Variants in GAS7 observed in about 807,000 individuals in gnomAD.
GAS7 encodes growth arrest-specific protein 7.
In GAS7, 28 loss-of-function variants were observed where a neutral mutation model predicts 71.1. That is an observed-to-expected ratio of 0.39 (90% CI 0.29 to 0.54). The LOEUF (loss-of-function observed/expected upper bound fraction) is 0.54, where lower values mean the gene tolerates loss of function less well. Among genes scored for constraint, GAS7 ranks in the 20% least tolerant of loss-of-function variants. The probability of loss-of-function intolerance (pLI) is 0.62; values close to 1 mark genes in which losing one functional copy is unlikely to be tolerated. For synonymous variants in GAS7, 258 were observed against 245.8 expected (o/e 1.05, Z -0.46); for missense variants, 436 against 627.8 (o/e 0.69, Z 3.27).
chr17:9,954,749 C>G (rs2069160425), intron 5 of GAS7, among the ~76,000 whole-genome samples: 1 of 152,124 alleles, frequency 6.6e-6, no homozygotes, highest in Non-Finnish European at 1.5e-5. Flanking sequence ...ATGCACGGGA[C>G]AGCTCCCCAC....
intron 1 of GAS7, among the ~76,000 whole-genome samples, chr17:10,097,718 C>T (rs957870195): frequency 9.2e-5 from 14 of 152,114 alleles, no homozygotes; most frequent in Admixed American, 3.9e-4. Flanking sequence ...AACCTCTGCC[C>T]TCGCTCTGGG....
intron 3 of GAS7, among the ~76,000 whole-genome samples, chr17:9,979,949 A>T (rs749189279): frequency 2.0e-5 from 3 of 151,892 alleles, no homozygotes; most frequent in Admixed American, 1.3e-4. Flanking sequence ...CTACAGTACG[A>T]ACGGGCCCAT....
chr17:9,973,466 C>T (rs1265069286), intron 3 of GAS7, among the ~76,000 whole-genome samples: 2 of 152,080 alleles, frequency 1.3e-5, no homozygotes, highest in Non-Finnish European at 2.9e-5. Flanking sequence ...GTTGACCAGG[C>T]TGGTCTCAAA....
At chr17:10,136,795 C>A (rs1433673711) in intron 1 of GAS7, among the ~76,000 whole-genome samples, 1 of 152,158 alleles carries the variant, frequency 6.6e-6, no homozygotes, top group Non-Finnish European at 1.5e-5. Flanking sequence ...ACACAAATTC[C>A]TCCATTATCT....
At chr17:10,080,222 T>C (rs1015371082) in intron 1 of GAS7, among the ~76,000 whole-genome samples, 11 of 152,160 alleles carry the variant, frequency 7.2e-5, no homozygotes, top group African/African-American at 2.4e-4. Flanking sequence ...CTAATTATAA[T>C]GTATTAGCAT....
chr17:10,169,243 G>A (rs2074317431), intron 1 of GAS7, among the ~76,000 whole-genome samples: 1 of 151,942 alleles, frequency 6.6e-6, no homozygotes, highest in African/African-American at 2.4e-5. Flanking sequence ...TCCAGCCTGG[G>A]CAACAAGAGC....
intron 1 of GAS7, among the ~76,000 whole-genome samples, chr17:10,123,319 A>G (rs144607615): frequency 1.3e-5 from 2 of 152,352 alleles, no homozygotes; most frequent in East Asian, 3.9e-4. Flanking sequence ...ACCTGGGAAT[A>G]TGCAGCTCCA....
intron 1 of GAS7, among the ~76,000 whole-genome samples, chr17:10,051,098 G>A (rs953056298): frequency 5.3e-5 from 8 of 152,152 alleles, no homozygotes; most frequent in African/African-American, 1.7e-4. Context: ...CCCTGGCCAA[G>A]GCACTTCACC....
rs957989999 is a variant in GAS7, at chr17:9,981,182, C to T, written c.385+622G>A. Among the ~76,000 whole-genome samples, 2 of 151,278 alleles carry T rather than the reference C, an allele frequency of 1.3e-5. No individual in the cohort carries two copies. The highest frequency in any genetic ancestry group is 1.5e-5 in the Non-Finnish European group (1 of 67,736). ...TGGTGCGCACCTGCAATCGCAGCTA[C>T]TCGGGAGGCTGGGGAACAAGAATCC... On this transcript the variant is annotated intron_variant, in intron 3 of 13. Coordinates refer to ENST00000432992, the MANE Select transcript of GAS7 (RefSeq NM_201433.2). This position sits in a 1 kb window ranked among gnomAD's most constrained non-coding sequence, Gnocchi z 4.4.
chr17:9,984,494 G>A (rs2070559421), intron 2 of GAS7, among the ~76,000 whole-genome samples: 1 of 152,180 alleles, frequency 6.6e-6, no homozygotes, highest in South Asian at 2.1e-4. Context: ...GGTCTTTTAT[G>A]AGGAGTGACA....
chr17:9,961,057 G>A (rs780450219), intron 4 of GAS7, among the ~76,000 whole-genome samples: 7 of 152,070 alleles, frequency 4.6e-5, no homozygotes, highest in Non-Finnish European at 7.4e-5. Flanking sequence ...GGTCCCAGGT[G>A]GTGCCAGCAC....
At chr17:10,074,973 T>C (rs2073375818) in intron 1 of GAS7, among the ~76,000 whole-genome samples, 1 of 150,592 alleles carries the variant, frequency 6.6e-6, no homozygotes, top group Non-Finnish European at 1.5e-5. Flanking sequence ...AATAGGATAA[T>C]CTGGATGCAG....
At chr17:10,037,654 G>A (rs979513756) in intron 1 of GAS7, among the ~76,000 whole-genome samples, 3 of 150,920 alleles carry the variant, frequency 2.0e-5, no homozygotes, top group Non-Finnish European at 4.4e-5. Flanking sequence ...CCTGGGCAAC[G>A]GCTCCAGCTT....
At chr17:10,062,868 C>G (rs897134425) in intron 1 of GAS7, among the ~76,000 whole-genome samples, 2 of 152,220 alleles carry the variant, frequency 1.3e-5, no homozygotes, top group African/African-American at 4.8e-5. Context: ...CCGCAAATGC[C>G]CTCTCACCCC....
At chr17:10,064,117 C>T (rs969509960) in intron 1 of GAS7, among the ~76,000 whole-genome samples, 20 of 152,216 alleles carry the variant, frequency 1.3e-4, no homozygotes, top group African/African-American at 1.9e-4. Context: ...CCAGCAGCGG[C>T]GGCTGCTGCA....
chr17:9,937,386 G>A (rs1273395849), intron 8 of GAS7, among the ~76,000 whole-genome samples: 3 of 152,240 alleles, frequency 2.0e-5, no homozygotes, highest in Non-Finnish European at 4.4e-5. Flanking sequence ...GGAAGACTCC[G>A]GAGTGGCACA....
intron 1 of GAS7, among the ~76,000 whole-genome samples, chr17:10,037,056 G>A (rs75465311): frequency 0.031 from 4,696 of 152,308 alleles, 239 homozygotes; most frequent in African/African-American, 0.11. Context: ...TAAAAAGAAC[G>A]GAGAATGTTC....
At chr17:10,194,578 G>T (rs189835218) in intron 1 of GAS7, among the ~76,000 whole-genome samples, 1 of 152,206 alleles carries the variant, frequency 6.6e-6, no homozygotes, top group African/African-American at 2.4e-5. Flanking sequence ...CAGGTCTATG[G>T]AGGCAATCTC....
chr17:10,047,479 G>T (rs904758725), intron 1 of GAS7, among the ~76,000 whole-genome samples: 2 of 152,206 alleles, frequency 1.3e-5, no homozygotes, highest in Non-Finnish European at 2.9e-5. Flanking sequence ...GTTGGTACAT[G>T]CCACGTTTAC....
Sources: gnomAD v4.1 joint callset for allele counts (sites outside exome capture counted in the v4.1 genomes callset) on GRCh38, gnomAD v4.1.1 for gene constraint, Gnocchi (gnomAD v3.1) non-coding constraint, MANE v1.5 for transcripts, NCBI Gene and HGNC (gene_info 2026-07-23, HGNC 2026-07-21) for gene names.